The following ADAM22 variants were observed in gnomAD, a reference collection of about 807,000 sequenced individuals.
ADAM22 encodes the protein ADAM metallopeptidase domain 22, also known as disintegrin and metalloproteinase domain-containing protein 22.
ADAM22 carries 65 observed loss-of-function variants against 144.6 expected under a neutral mutation model. The ratio of observed to expected loss-of-function variants is 0.45; its 90% CI spans 0.37 to 0.55. The LOEUF (loss-of-function observed/expected upper bound fraction) is 0.55. Ranked by LOEUF, ADAM22 falls within the 20% of genes least tolerant of loss-of-function variation. ADAM22 has a pLI of 0.00. For synonymous variants in ADAM22, 391 were observed against 412.6 expected (o/e 0.95, Z 0.63); for missense variants, 974 against 1,184.9 (o/e 0.82, Z 2.61).
intron 5 of ADAM22, among the ~76,000 whole-genome samples, chr7:88,108,891 C>G (rs1257526449): frequency 6.6e-6 from 1 of 152,062 alleles, no homozygotes; most frequent in Non-Finnish European, 1.5e-5. Flanking sequence ...AAAACAGAGG[C>G]TTTTGAATTT....
intron 24 of ADAM22, among the ~76,000 whole-genome samples, chr7:88,166,245 C>G (rs552387419): frequency 6.6e-6 from 1 of 152,118 alleles, no homozygotes; most frequent in Non-Finnish European, 1.5e-5. Context: ...GTAGTCATAA[C>G]TCTTAATTGT....
intron 3 of ADAM22, among the ~76,000 whole-genome samples, chr7:88,042,691 T>C (rs1803457465): frequency 6.6e-6 from 1 of 151,882 alleles, no homozygotes; most frequent in Non-Finnish European, 1.5e-5. Context: ...GTAATTATGT[T>C]CATCCTCCAA....
intron 7 of ADAM22, among the ~76,000 whole-genome samples, chr7:88,122,333 G>C (rs76509593): frequency 7.8e-4 from 119 of 152,280 alleles, no homozygotes; most frequent in Middle Eastern, 3.4e-3. Context: ...CTTGAGAAAT[G>C]ACAGTTCATC....
intron 7 of ADAM22, among the ~76,000 whole-genome samples, chr7:88,120,172 T>A (rs1015638609): frequency 5.9e-5 from 9 of 151,964 alleles, no homozygotes; most frequent in East Asian, 3.8e-4. Flanking sequence ...TGTTTTTTTT[T>A]AATATATATA....
At chr7:88,017,591 C>G (rs930820953) in intron 3 of ADAM22, among the ~76,000 whole-genome samples, 1 of 151,848 alleles carries the variant, frequency 6.6e-6, no homozygotes, top group Non-Finnish European at 1.5e-5. Context: ...AAATTTAATT[C>G]TTGAAATATA....
chr7:88,184,329 GC>G, intron 29 of ADAM22: 1 of 437,412 alleles, frequency 2.3e-6, no homozygotes, highest in South Asian at 1.6e-5. Context: ...GCACTCCCTC[GC>G]CCAGACAGTC....
At chr7:88,105,142 A>T (rs1373828072) in intron 4 of ADAM22, among the ~76,000 whole-genome samples, 1 of 152,164 alleles carries the variant, frequency 6.6e-6, no homozygotes, top group African/African-American at 2.4e-5. Flanking sequence ...ATGCTTTGAC[A>T]TTGACATGTA....
chr7:87,981,893 C>A (rs754872065), intron 3 of ADAM22, among the ~76,000 whole-genome samples: 2 of 151,804 alleles, frequency 1.3e-5, no homozygotes, highest in Admixed American at 1.3e-4. Flanking sequence ...CAATAGATAT[C>A]TCACTGTTAT....
rs1426139368 is a variant in ADAM22 at position 87,953,749 on chromosome 7, G to T, written c.246+18563G>T. On this transcript the variant is annotated intron_variant, in intron 2 of 31. Transcript: ENST00000413139. ...CTAATGTTGATAGTGGGGTGTTAAAGTCTCCCATTATTATTGTGTGGGAGT... is the reference window on the plus strand; with the variant it reads ...CTAATGTTGATAGTGGGGTGTTAAATTCTCCCATTATTATTGTGTGGGAGT... 5.3e-5 allele frequency among the ~76,000 whole-genome samples: 8 copies of T among 152,202 alleles called. No individual in the cohort carries two copies. In the South Asian group the frequency reaches 1.7e-3, roughly 32 times the overall value.
At position 88,196,468 on chromosome 7, in the gene ADAM22, C is replaced by A; in HGVS notation, c.2875-3C>A. ...TGCAATTTTGCTCTTTTCTGTTGTG[C>A]AGCTATGGGAGACATCCATTTAAGA... On this transcript the variant is annotated splice_polypyrimidine_tract_variant and splice_region_variant and intron_variant, in intron 31 of 31. Transcript: ENST00000413139. 6.2e-7 allele frequency: 1 copy of A among 1,614,058 alleles called. No individual in the cohort carries two copies. The highest frequency in any genetic ancestry group is 8.5e-7 in the Non-Finnish European group (1 of 1,180,002).
chr7:88,116,966 A>G (rs1827909962), intron 7 of ADAM22, 152 bp downstream of exon 7: 7 of 584,130 alleles, frequency 1.2e-5, no homozygotes, highest in Non-Finnish European at 1.8e-5. Flanking sequence ...GAGGGAGAAT[A>G]AAATGCAAAC....
chr7:88,126,233 A>G (rs1343026194), intron 8 of ADAM22, among the ~76,000 whole-genome samples: 3 of 152,062 alleles, frequency 2.0e-5, no homozygotes, highest in Admixed American at 2.0e-4. Flanking sequence ...AAGAAAAATG[A>G]TGACTCTGTG....
chr7:87,957,329 GT>G (rs1462599258), intron 2 of ADAM22, among the ~76,000 whole-genome samples: 1 of 152,092 alleles, frequency 6.6e-6, no homozygotes, highest in Non-Finnish European at 1.5e-5. Context: ...ACTTTCTTCA[GT>G]TTGTTTAATA....
chr7:88,027,236 T>G (rs1799209855), intron 3 of ADAM22, among the ~76,000 whole-genome samples: 1 of 152,224 alleles, frequency 6.6e-6, no homozygotes, highest in Non-Finnish European at 1.5e-5. Flanking sequence ...AGGGTAATAC[T>G]GGCTTTGTAG....
At chr7:88,080,954 C>G (rs1816396700) in intron 4 of ADAM22, among the ~76,000 whole-genome samples, 2 of 152,022 alleles carry the variant, frequency 1.3e-5, no homozygotes, top group African/African-American at 2.4e-5. Flanking sequence ...CTATTCCAAT[C>G]AATAGAAAAA....
intron 4 of ADAM22, among the ~76,000 whole-genome samples, 200 bp downstream of exon 4, chr7:88,075,892 G>A (rs1443254286): frequency 6.6e-6 from 1 of 152,182 alleles, no homozygotes; most frequent in Non-Finnish European, 1.5e-5. Context: ...TTAGGGTACT[G>A]TAGGAATTGC....
intron 10 of ADAM22, among the ~76,000 whole-genome samples, chr7:88,130,986 CT>C (rs1420878216): frequency 6.6e-6 from 1 of 152,068 alleles, no homozygotes; most frequent in Non-Finnish European, 1.5e-5. Flanking sequence ...TGCATGAATT[CT>C]TTTTCCAGGA....
chr7:88,060,407 T>C (rs1268236070), intron 3 of ADAM22, among the ~76,000 whole-genome samples: 1 of 152,232 alleles, frequency 6.6e-6, no homozygotes, highest in East Asian at 1.9e-4. Flanking sequence ...GTTTATATTA[T>C]TTTAAATCTT....
At chr7:88,187,756 T>C (rs898863530) in intron 30 of ADAM22, among the ~76,000 whole-genome samples, 9 of 152,206 alleles carry the variant, frequency 5.9e-5, no homozygotes, top group Admixed American at 1.3e-4. Flanking sequence ...AGCACCCGTA[T>C]AAGGTGGACT....
Sources: allele counts gnomAD v4.1 joint callset (sites outside exome capture counted in the v4.1 genomes callset), GRCh38; gene constraint gnomAD v4.1.1; transcripts MANE v1.5; gene names NCBI Gene and HGNC (gene_info 2026-07-23, HGNC 2026-07-21).